CTNNA3: variants seen among roughly 807,000 people sequenced by gnomAD.
The protein encoded by CTNNA3 is catenin alpha-3.
A neutral mutation model predicts 95.7 loss-of-function variants in CTNNA3; 76 were observed. The ratio of observed to expected loss-of-function variants is 0.79; its 90% CI spans 0.66 to 0.96. The LOEUF (loss-of-function observed/expected upper bound fraction) is 0.96. Among genes scored for constraint, CTNNA3 ranks in the 40% least tolerant of loss-of-function variants. The pLI is 0.00. For synonymous variants in CTNNA3, 431 were observed against 374.4 expected, an observed-to-expected ratio of 1.15 and a Z score of -1.74; for missense variants, 1,191 against 1,089.8, an observed-to-expected ratio of 1.09 and a Z score of -1.31.
At position 65,920,326 on chromosome 10, in the gene CTNNA3, G is replaced by A; in HGVS notation, c.*4C>T. The A allele has an allele frequency of 6.2e-7, 1 of 1,612,102 alleles. No individual in the cohort carries two copies. The stretch of plus-strand genomic sequence containing the variant: ...ATATAGGCACTATATGTAGAATAGT[G>A]GTTTCAGTAGATTTGTCTTCCTCTA... On this transcript the variant is annotated 3_prime_UTR_variant, in exon 18 of 18. Transcript: ENST00000433211.
intron 5 of CTNNA3, among the ~76,000 whole-genome samples, chr10:67,376,643 G>A (rs1413813171): frequency 1.3e-5 from 2 of 152,164 alleles, no homozygotes; most frequent in South Asian, 2.1e-4. Context: ...TTTATGTTAT[G>A]CTATGGTTAG....
chr10:67,525,311 G>GC (rs1840109255), intron 4 of CTNNA3, among the ~76,000 whole-genome samples: 2 of 151,952 alleles, frequency 1.3e-5, no homozygotes, highest in African/African-American at 4.8e-5. Context: ...AGTAAGCACT[G>GC]TCAACACTCC....
chr10:66,841,845 C>A (rs1843075483), intron 7 of CTNNA3, among the ~76,000 whole-genome samples: 2 of 152,002 alleles, frequency 1.3e-5, no homozygotes, highest in African/African-American at 4.8e-5. Flanking sequence ...AGTATACTAA[C>A]AACTGCCATA....
intron 11 of CTNNA3, among the ~76,000 whole-genome samples, chr10:66,494,202 T>C (rs1376942031): frequency 4.6e-5 from 7 of 151,786 alleles, no homozygotes; most frequent in Non-Finnish European, 7.4e-5. Context: ...GCCACTGCGC[T>C]GGGCCAAACT....
At chr10:66,202,914 A>C (rs1224841906) in intron 13 of CTNNA3, among the ~76,000 whole-genome samples, 2 of 152,198 alleles carry the variant, frequency 1.3e-5, no homozygotes, top group Non-Finnish European at 2.9e-5. Flanking sequence ...AGATTTTCTC[A>C]GATGAATCTA....
chr10:66,061,079 C>T (rs2080186447), intron 15 of CTNNA3, among the ~76,000 whole-genome samples: 1 of 152,018 alleles, frequency 6.6e-6, no homozygotes, highest in Non-Finnish European at 1.5e-5. Flanking sequence ...AAGATGCCAC[C>T]TTCTCAATGT....
chr10:66,361,351 T>C (rs1408266650), intron 12 of CTNNA3, among the ~76,000 whole-genome samples: 3 of 116,946 alleles, frequency 2.6e-5, no homozygotes, highest in African/African-American at 5.8e-5. Flanking sequence ...CCTTTCCTTC[T>C]TTCTTTCTTT....
intron 11 of CTNNA3, among the ~76,000 whole-genome samples, chr10:66,401,661 T>TC (rs1350621027): frequency 4.8e-4 from 71 of 147,358 alleles, no homozygotes; most frequent in Non-Finnish European, 7.8e-4. Flanking sequence ...TTTCTTTCTT[T>TC]TTTTTTTTTT....
intron 5 of CTNNA3, among the ~76,000 whole-genome samples, chr10:67,494,293 C>T (rs894814772): frequency 1.3e-5 from 2 of 152,236 alleles, no homozygotes; most frequent in South Asian, 4.1e-4. Flanking sequence ...TGTCACTGTA[C>T]TATTTTGGTT....
chr10:67,698,705 A>C (rs375328112), upstream of CTNNA3, among the ~76,000 whole-genome samples: 4 of 152,350 alleles, frequency 2.6e-5, no homozygotes, highest in African/African-American at 9.6e-5. Flanking sequence ...ATGAGATTTA[A>C]AGCTAGGAAT....
At chr10:67,052,345 TC>T (rs769469915) in intron 7 of CTNNA3, among the ~76,000 whole-genome samples, 3,221 of 134,948 alleles carry the variant, frequency 0.024, 94 homozygotes, top group African/African-American at 0.063. Context: ...TCTCTCTCTC[TC>T]TCTCTCTCAT....
At chr10:66,600,824 T>A (rs1843894492) in intron 10 of CTNNA3, among the ~76,000 whole-genome samples, 1 of 151,932 alleles carries the variant, frequency 6.6e-6, no homozygotes, top group African/African-American at 2.4e-5. Context: ...GACTTAAATG[T>A]TGAAAAGTAA....
intron 10 of CTNNA3, among the ~76,000 whole-genome samples, chr10:66,529,444 T>TTG (rs1841385507): frequency 2.1e-5 from 2 of 96,678 alleles, no homozygotes; most frequent in Admixed American, 2.4e-4. Context: ...ACAGTGTTTT[T>TTG]TTTTTGTTTT....
At chr10:65,953,495 C>G (rs1237952294) in intron 17 of CTNNA3, among the ~76,000 whole-genome samples, 1 of 152,022 alleles carries the variant, frequency 6.6e-6, no homozygotes, top group Non-Finnish European at 1.5e-5. Context: ...ATTAACTCAT[C>G]ATTTACATTA....
At chr10:66,148,672 T>C (rs2084023644) in intron 13 of CTNNA3, among the ~76,000 whole-genome samples, 1 of 151,930 alleles carries the variant, frequency 6.6e-6, no homozygotes, top group Non-Finnish European at 1.5e-5. Flanking sequence ...CCAGAGCTGC[T>C]GGGTCTTTGA....
chr10:67,040,348 C>G (rs1448334726), intron 7 of CTNNA3, among the ~76,000 whole-genome samples: 1 of 152,058 alleles, frequency 6.6e-6, no homozygotes, highest in East Asian at 1.9e-4. Flanking sequence ...GAGAGAACAA[C>G]CTCAGTAGTA....
chr10:67,083,018 G>A (rs538177730), intron 7 of CTNNA3, among the ~76,000 whole-genome samples: 1 of 152,282 alleles, frequency 6.6e-6, no homozygotes, highest in South Asian at 2.1e-4. Flanking sequence ...GAAGCCACCT[G>A]TGTGTTCTCA....
At chr10:67,232,302 C>T (rs1354506251) in intron 5 of CTNNA3, among the ~76,000 whole-genome samples, 3 of 152,152 alleles carry the variant, frequency 2.0e-5, no homozygotes. Flanking sequence ...ATCAGACTAA[C>T]AGCGGATCTC....
chr10:65,986,048 C>T (rs2078420544), intron 16 of CTNNA3, among the ~76,000 whole-genome samples: 1 of 151,148 alleles, frequency 6.6e-6, no homozygotes, highest in Non-Finnish European at 1.5e-5. Context: ...TTTGTCTTTA[C>T]TGATTGATTC....
Sources: allele counts gnomAD v4.1 joint callset (sites outside exome capture counted in the v4.1 genomes callset), GRCh38; gene constraint gnomAD v4.1.1; transcripts MANE v1.5; gene names NCBI Gene and HGNC (gene_info 2026-07-23, HGNC 2026-07-21).